LOXL2: variants seen among roughly 807,000 people sequenced by gnomAD.
LOXL2 encodes lysyl oxidase like 2.
In LOXL2, 70 loss-of-function variants were observed where a neutral mutation model predicts 93.0. The ratio of observed to expected loss-of-function variants is 0.75; its 90% CI spans 0.62 to 0.92. LOXL2 has a LOEUF of 0.92. Among genes scored for constraint, LOXL2 ranks in the 40% least tolerant of loss-of-function variants. The pLI, the probability that LOXL2 is intolerant of heterozygous loss-of-function variation, is 0.00. For missense variants in LOXL2, 973 were observed against 1,054.9 expected (o/e 0.92, Z 1.08); for synonymous variants, 438 against 413.2 (o/e 1.06, Z -0.73).
At position 23,368,418 on chromosome 8, in the gene LOXL2, G is replaced by A; in HGVS notation, c.-67C>T. On this transcript the variant is annotated 5_prime_UTR_variant, in exon 2 of 14. Coordinates refer to ENST00000389131, the MANE Select transcript of LOXL2 (RefSeq NM_002318.3). ...AGCTGGGAGGGACAGGCGGGGTACAGAAGCAGCAGGAGCTTTCTGGAAGAG... is the reference window on the plus strand; with the variant it reads ...AGCTGGGAGGGACAGGCGGGGTACAAAAGCAGCAGGAGCTTTCTGGAAGAG... 2.2e-6 allele frequency: 3 copies of A among 1,351,434 alleles called. No individual in the cohort carries two copies. Among genetic ancestry groups the A allele is most frequent in the Non-Finnish European group, 3.1e-6 (3 of 956,612 alleles). 83.7% of individuals were successfully genotyped at this position (1,351,434 alleles called of 1,614,324 possible).
In LOXL2 at chr8:23,333,382, C is replaced by A. The variant is rs769798570; in HGVS notation, c.966+19G>T. On this transcript the variant is annotated intron_variant, in intron 5 of 13. Coordinates refer to ENST00000389131, the MANE Select transcript of LOXL2 (RefSeq NM_002318.3). ...CCCCTCCAGGTGCCAAGTGGCCACA[C>A]CTCGTGCCCCGTCCTCACCTCTGGC... The A allele has an allele frequency of 1.2e-6, 2 of 1,611,204 alleles. No homozygotes were observed. The highest frequency in any genetic ancestry group is 1.7e-6 in the Non-Finnish European group (2 of 1,177,946).
chr8:23,344,605 G>T (rs2117185769), intron 3 of LOXL2, among the ~76,000 whole-genome samples: 1 of 152,160 alleles, frequency 6.6e-6, no homozygotes, highest in South Asian at 2.1e-4. Flanking sequence ...GTGTGTCTGT[G>T]TGCATGATGA....
chr8:23,361,322 A>G (rs1230660643), intron 2 of LOXL2, among the ~76,000 whole-genome samples: 3 of 152,054 alleles, frequency 2.0e-5, no homozygotes, highest in African/African-American at 7.2e-5. Flanking sequence ...TTGACTTCCT[A>G]TTCAGCTCCT....
chr8:23,308,322 C>T (rs534457017), intron 10 of LOXL2, among the ~76,000 whole-genome samples: 4 of 152,102 alleles, frequency 2.6e-5, no homozygotes, highest in East Asian at 1.9e-4. Context: ...CGGTCTGCCA[C>T]GGGCCCTGGG....
At chr8:23,381,946 T>C (rs1254189416) in intron 1 of LOXL2, among the ~76,000 whole-genome samples, 2 of 152,188 alleles carry the variant, frequency 1.3e-5, no homozygotes, top group African/African-American at 2.4e-5. Flanking sequence ...ATGGGTTGGA[T>C]AATAACAGGA....
chr8:23,400,800 G>T (rs1161674543), intron 1 of LOXL2, among the ~76,000 whole-genome samples: 1 of 152,150 alleles, frequency 6.6e-6, no homozygotes, highest in African/African-American at 2.4e-5. Context: ...ACACCTTGGA[G>T]TCAAATAATG....
intron 1 of LOXL2, among the ~76,000 whole-genome samples, chr8:23,397,960 C>CAA (rs11295140): frequency 1.3e-3 from 120 of 90,952 alleles, no homozygotes; most frequent in African/African-American, 3.2e-3. Context: ...GACTCTGTCT[C>CAA]AAAAAAAAAA....
chr8:23,365,061 G>A (rs1371929381), intron 2 of LOXL2: 4 of 152,196 alleles, frequency 2.6e-5, no homozygotes, highest in African/African-American at 9.7e-5. Context: ...CCCTAAAAGG[G>A]CCTGTGGTTT....
chr8:23,341,265 G>A (rs1385928062), intron 3 of LOXL2, 62 bp from the exon 4 acceptor site: 2 of 1,339,874 alleles, frequency 1.5e-6, no homozygotes, highest in East Asian at 2.3e-5. Context: ...AGAGACACCA[G>A]GCAACCAGTA....
At position 23,390,447 on chromosome 8, in the gene LOXL2, G is replaced by T. The variant is rs550747513; in HGVS notation, c.-84+13507C>A. Among the ~76,000 whole-genome samples the T allele has an allele frequency of 7.9e-5, 12 of 152,328 alleles. No individual in the cohort carries two copies. In the South Asian group the frequency reaches 2.5e-3, roughly 32 times the overall value. On this transcript the variant is annotated intron_variant, in intron 1 of 13. Transcript: ENST00000389131. ...TCGTCTATTTCTGGCCACAAAGTGG[G>T]AATGTTCAGGGCACAGTGAGATGGT... is the stretch of plus-strand genomic sequence containing the variant.
chr8:23,311,240 G>A (rs1032660639), intron 9 of LOXL2, among the ~76,000 whole-genome samples: 2 of 152,222 alleles, frequency 1.3e-5, no homozygotes, highest in African/African-American at 4.8e-5. Context: ...ACCTGATGGA[G>A]CTGGCATCCT....
rs1585348639 is a variant in LOXL2, at chr8:23,320,130, T to G, written c.1303-78A>C. 5 of 1,473,012 alleles carry G rather than the reference T, an allele frequency of 3.4e-6. No homozygotes were observed. In the East Asian group the frequency reaches 1.1e-4, roughly 34 times the overall value. The allele number at this position is 1,473,012 out of a possible 1,614,324, so 91.2% of individuals were successfully genotyped here. A position where few individuals can be genotyped will look rare whatever the true frequency, so the allele number is the denominator to read the frequency against. ...CCCTACGCTGCCATCAGCCCCAGTG[T>G]CCTGGAGTCCTAAGCCAGGTGGTGC... On this transcript the variant is annotated intron_variant, in intron 7 of 13. Coordinates refer to ENST00000389131, the MANE Select transcript of LOXL2 (RefSeq NM_002318.3).
At chr8:23,325,764 C>T (rs1803567548) in intron 6 of LOXL2, among the ~76,000 whole-genome samples, 1 of 152,216 alleles carries the variant, frequency 6.6e-6, no homozygotes, top group South Asian at 2.1e-4. Context: ...AGGTGCTCCC[C>T]TCATGTGGCA....
intron 3 of LOXL2, among the ~76,000 whole-genome samples, chr8:23,347,130 C>G (rs1223375928): frequency 6.6e-6 from 1 of 151,258 alleles, no homozygotes; most frequent in Non-Finnish European, 1.5e-5. Flanking sequence ...ACCAGCCTGG[C>G]CAACATGGTG....
chr8:23,385,771 A>T (rs1804750951), intron 1 of LOXL2: 1 of 587,148 alleles, frequency 1.7e-6, no homozygotes, highest in Non-Finnish European at 3.0e-6. Context: ...AAGTAGAATA[A>T]AATAGATGAA....
chr8:23,338,979 G>T (rs1366097873), intron 4 of LOXL2, among the ~76,000 whole-genome samples: 1 of 152,190 alleles, frequency 6.6e-6, no homozygotes, highest in Non-Finnish European at 1.5e-5. Flanking sequence ...CTGCCCTTCA[G>T]GCCTCTTCCA....
At chr8:23,362,584 T>C in intron 2 of LOXL2, among the ~76,000 whole-genome samples, 1 of 152,046 alleles carries the variant, frequency 6.6e-6, no homozygotes, top group South Asian at 2.1e-4. Flanking sequence ...AATCAAAACA[T>C]TTAGCTGGGC....
intron 6 of LOXL2, among the ~76,000 whole-genome samples, chr8:23,324,769 C>T (rs1331916065): frequency 3.3e-5 from 5 of 152,184 alleles, no homozygotes; most frequent in African/African-American, 1.2e-4. Context: ...TTCCATGGGT[C>T]CAGGCCAATG....
chr8:23,313,477 C>T (rs1380807987), intron 9 of LOXL2, among the ~76,000 whole-genome samples: 3 of 151,902 alleles, frequency 2.0e-5, no homozygotes, highest in Non-Finnish European at 4.4e-5. Flanking sequence ...GAACAGAGCC[C>T]TCAGAAATAA....
Sources: gnomAD v4.1 joint callset for allele counts (sites outside exome capture counted in the v4.1 genomes callset) on GRCh38, gnomAD v4.1.1 for gene constraint, MANE v1.5 for transcripts, NCBI Gene and HGNC (gene_info 2026-07-23, HGNC 2026-07-21) for gene names.